Variants in KATNIP observed in about 807,000 individuals in gnomAD.
KATNIP encodes the protein katanin interacting protein, also known as katanin-interacting protein.
In KATNIP, 126 loss-of-function variants were observed where a neutral mutation model predicts 174.0. The observed-to-expected ratio is 0.72, with a 90% CI of 0.63 to 0.84. The LOEUF is 0.84. KATNIP is among the 40% of genes least tolerant of loss of function. The pLI, the probability that KATNIP is intolerant of heterozygous loss-of-function variation, is 0.00. For missense variants in KATNIP, 1,958 were observed against 2,109.7 expected (o/e 0.93, Z 1.41); for synonymous variants, 810 against 835.7 (o/e 0.97, Z 0.53).
At position 27,703,363 on chromosome 16, in the gene KATNIP, C is replaced by G. The variant is rs184334927; in HGVS notation, c.1287-533C>G. Among the ~76,000 whole-genome samples the G allele has an allele frequency of 2.6e-5, 4 of 152,278 alleles. No homozygotes were observed. The East Asian group carries it at 7.7e-4, about 29-fold the overall frequency. ...TGTTTGCAAATGATGAAGGCACGCT[C>G]TGCTGGGTTTAGAATGCCATGTCCT... is the stretch of plus-strand genomic sequence containing the variant. On this transcript the variant is annotated intron_variant, in intron 11 of 27. Coordinates refer to ENST00000261588, the MANE Select transcript of KATNIP (RefSeq NM_015202.5).
intron 21 of KATNIP, among the ~76,000 whole-genome samples, chr16:27,771,383 G>A (rs905283911): frequency 1.3e-5 from 2 of 152,090 alleles, no homozygotes; most frequent in African/African-American, 4.8e-5. Context: ...TGCCTCCCTG[G>A]CACAGCATCC....
intron 2 of KATNIP, among the ~76,000 whole-genome samples, chr16:27,615,024 C>T (rs2142039386): frequency 6.6e-6 from 1 of 152,294 alleles, no homozygotes; most frequent in Non-Finnish European, 1.5e-5. Flanking sequence ...TGACCTTCCA[C>T]AATTGAGGGC....
chr16:27,555,836 CAA>C (rs1034115468), intron 1 of KATNIP, among the ~76,000 whole-genome samples: 2 of 121,460 alleles, frequency 1.6e-5, no homozygotes, highest in African/African-American at 3.1e-5. Context: ...AACTCCGTCT[CAA>C]AAAAAAAAAA....
chr16:27,750,365 A>G, intron 16 of KATNIP, 59 bp downstream of exon 16: 1 of 1,524,782 alleles, frequency 6.6e-7, no homozygotes, highest in Non-Finnish European at 8.8e-7. Flanking sequence ...CTGAGAGTCT[A>G]TGGGAAAAAA....
chr16:27,661,955 T>TATAC (rs1453880530), intron 6 of KATNIP, among the ~76,000 whole-genome samples: 3 of 41,514 alleles, frequency 7.2e-5, no homozygotes, highest in African/African-American at 3.6e-4. Context: ...TATATATATA[T>TATAC]ACACATACAT....
intron 2 of KATNIP, among the ~76,000 whole-genome samples, chr16:27,574,917 C>T (rs1347243392): frequency 6.6e-6 from 1 of 152,166 alleles, no homozygotes; most frequent in Non-Finnish European, 1.5e-5. Flanking sequence ...TAGATCTCAC[C>T]TCTTGATGGG....
intron 2 of KATNIP, among the ~76,000 whole-genome samples, chr16:27,616,357 C>T (rs184939445): frequency 8.0e-5 from 12 of 150,940 alleles, no homozygotes; most frequent in African/African-American, 2.9e-4. Flanking sequence ...AGCAAGACTC[C>T]ATTTCAAAGA....
intron 2 of KATNIP, among the ~76,000 whole-genome samples, chr16:27,586,434 C>G (rs1341182476): frequency 6.6e-6 from 1 of 151,278 alleles, no homozygotes; most frequent in Non-Finnish European, 1.5e-5. Context: ...TAGTGAGACC[C>G]TGCCTCAAAA....
chr16:27,713,838 A>ATC (rs1443026765), intron 13 of KATNIP, among the ~76,000 whole-genome samples: 1 of 76,120 alleles, frequency 1.3e-5, no homozygotes, highest in Non-Finnish European at 2.5e-5. Flanking sequence ...ATATATATAT[A>ATC]TATATATATA....
chr16:27,614,798 G>C (rs1360734672), intron 2 of KATNIP, among the ~76,000 whole-genome samples: 1 of 152,112 alleles, frequency 6.6e-6, no homozygotes, highest in African/African-American at 2.4e-5. Context: ...GAGGGAAGTC[G>C]GGAAGGAAAA....
At chr16:27,554,995 A>G (rs1320547342) in intron 1 of KATNIP, among the ~76,000 whole-genome samples, 3 of 151,756 alleles carry the variant, frequency 2.0e-5, no homozygotes. Flanking sequence ...ATGGGGTTTC[A>G]CCATGTTGGT....
At chr16:27,768,990 G>T (rs2082209802) in intron 20 of KATNIP, among the ~76,000 whole-genome samples, 1 of 152,242 alleles carries the variant, frequency 6.6e-6, no homozygotes, top group South Asian at 2.1e-4. Context: ...GATGGCTGTT[G>T]CCCCTCCCTG....
At position 27,628,997 on chromosome 16, in the gene KATNIP, A is replaced by C. The variant is rs144200740; in HGVS notation, c.310+167A>C. ...AGCCTGGGCAACATGGTGAAACCCT[A>C]TCTCTACTAAAAATACGAAAATTAG... On this transcript the variant is annotated intron_variant, in intron 4 of 27. Transcript: ENST00000261588. Among the ~76,000 whole-genome samples the C allele has an allele frequency of 3.0e-3, 463 of 151,920 alleles. 1 individual carries two copies. The highest frequency in any genetic ancestry group is 5.3e-3 in the Admixed American group (81 of 15,258).
intron 1 of KATNIP, among the ~76,000 whole-genome samples, chr16:27,554,527 G>A (rs774648471): frequency 1.2e-4 from 18 of 152,128 alleles, no homozygotes; most frequent in Non-Finnish European, 2.6e-4. Flanking sequence ...TTTTGTCTTT[G>A]TGGACCCCTC....
chr16:27,631,106 T>C lies in KATNIP; in HGVS notation c.352T>C (p.Leu118=), dbSNP rs1430622928. 1.1e-5 allele frequency: 18 copies of C among 1,578,388 alleles called. No individual in the cohort carries two copies. The highest frequency in any genetic ancestry group is 1.6e-5 in the Non-Finnish European group (18 of 1,160,860). The change falls in exon 5 of 28, where the codon TTA becomes CTA. Residue 118 remains leucine, a synonymous_variant. Coordinates refer to ENST00000261588, the MANE Select transcript of KATNIP (RefSeq NM_015202.5). ...RTLFREAEEA[L]RRSSRTAPSK... is the part of the protein sequence containing the mutation. ...TCTGTTTCGAGAAGCTGAAGAAGCC[T>C]TAAGACGCAGTTCACGGACAGCCCC...
At chr16:27,555,352 G>A (rs2089572829) in intron 1 of KATNIP, among the ~76,000 whole-genome samples, 1 of 152,098 alleles carries the variant, frequency 6.6e-6, no homozygotes, top group African/African-American at 2.4e-5. Context: ...CTTTGGGCAG[G>A]TCCTATCTGT....
intron 3 of KATNIP, among the ~76,000 whole-genome samples, chr16:27,626,952 G>A (rs1253959915): frequency 1.3e-5 from 2 of 149,788 alleles, no homozygotes; most frequent in Non-Finnish European, 3.0e-5. Flanking sequence ...GTGGCAGTGC[G>A]AGACTCCGTC....
chr16:27,767,813 G>A (rs1471843199), intron 20 of KATNIP, among the ~76,000 whole-genome samples: 2 of 152,194 alleles, frequency 1.3e-5, no homozygotes, highest in African/African-American at 4.8e-5. Context: ...ATGCTCCTCT[G>A]AGCAGGCCGG....
At chr16:27,560,382 C>T (rs922455160) in intron 1 of KATNIP, among the ~76,000 whole-genome samples, 1 of 151,850 alleles carries the variant, frequency 6.6e-6, no homozygotes, top group East Asian at 1.9e-4. Flanking sequence ...ACTTTCTTGT[C>T]ACGTAGCTCT....
Sources: gnomAD v4.1 joint callset for allele counts (sites outside exome capture counted in the v4.1 genomes callset) on GRCh38, gnomAD v4.1.1 for gene constraint, MANE v1.5 for transcripts, NCBI Gene and HGNC (gene_info 2026-07-23, HGNC 2026-07-21) for gene names.